The following PDK1 variants were observed in gnomAD, a reference collection of about 807,000 sequenced individuals.
PDK1 encodes the protein pyruvate dehydrogenase kinase 1.
In PDK1, 39 loss-of-function variants were observed where a neutral mutation model predicts 54.2. The ratio of observed to expected loss-of-function variants is 0.72; its 90% CI spans 0.56 to 0.94. The LOEUF is 0.94. Ranked by LOEUF, PDK1 falls within the 40% of genes least tolerant of loss-of-function variation. The pLI is 0.00. For synonymous variants in PDK1, 221 were observed against 207.1 expected (o/e 1.07, Z -0.58); for missense variants, 552 against 566.0 (o/e 0.98, Z 0.25).
At chr2:172,577,717 T>G (rs1390408051) in intron 8 of PDK1, among the ~76,000 whole-genome samples, 1 of 152,124 alleles carries the variant, frequency 6.6e-6, no homozygotes, top group East Asian at 1.9e-4. Flanking sequence ...TAAATAGGCC[T>G]TTTCCCCTCC....
At chr2:172,680,198 ACTT>A in the PDK1 span, among the ~76,000 whole-genome samples, 1 of 152,092 alleles carries the variant, frequency 6.6e-6, no homozygotes, top group African/African-American at 2.4e-5. Context: ...GTAATTGTTT[ACTT>A]GCCAGAATTT....
chr2:172,684,785 C>T, the PDK1 span, among the ~76,000 whole-genome samples: 20 of 152,282 alleles, frequency 1.3e-4, no homozygotes, highest in East Asian at 1.2e-3. Flanking sequence ...CAATTGCTGA[C>T]GATTTTGGCC....
the PDK1 span, among the ~76,000 whole-genome samples, chr2:172,719,051 A>G: frequency 0.13 from 19,866 of 152,164 alleles, 1,413 homozygotes; most frequent in African/African-American, 0.19. Context: ...CTTTTCTAGA[A>G]GGTACTAAAA....
chr2:172,621,794 GAT>G, the PDK1 span, among the ~76,000 whole-genome samples: 57 of 124,632 alleles, frequency 4.6e-4, no homozygotes, highest in African/African-American at 1.5e-3. Context: ...TCATATGTAT[GAT>G]ATATGTTTAT....
At chr2:172,658,395 A>G in the PDK1 span, among the ~76,000 whole-genome samples, 1 of 152,206 alleles carries the variant, frequency 6.6e-6, no homozygotes, top group Non-Finnish European at 1.5e-5. Context: ...GAGGATGTAT[A>G]TCACCTCAGG....
the PDK1 span, among the ~76,000 whole-genome samples, chr2:172,636,933 G>A: frequency 5.3e-5 from 8 of 152,034 alleles, no homozygotes; most frequent in East Asian, 1.9e-4. Flanking sequence ...ATAAAAAAGC[G>A]CATAGAAAAA....
the PDK1 span, among the ~76,000 whole-genome samples, chr2:172,652,872 G>T: frequency 2.8e-4 from 43 of 152,242 alleles, no homozygotes; most frequent in African/African-American, 4.1e-4. Context: ...GAAGAATCAA[G>T]ATCGTGAAAA....
At chr2:172,704,881 T>G in the PDK1 span, among the ~76,000 whole-genome samples, 1 of 152,178 alleles carries the variant, frequency 6.6e-6, no homozygotes, top group Admixed American at 6.5e-5. Context: ...GGTAAAAAGT[T>G]ATGGAGTCCC....
the PDK1 span, among the ~76,000 whole-genome samples, chr2:172,617,807 C>T: frequency 6.6e-6 from 1 of 152,124 alleles, no homozygotes; most frequent in African/African-American, 2.4e-5. Context: ...GATATAATGA[C>T]TGTGAATATT....
chr2:172,579,525 C>A (rs116009146), intron 8 of PDK1, among the ~76,000 whole-genome samples: 1 of 122,562 alleles, frequency 8.2e-6, no homozygotes. Flanking sequence ...CCCGCTCTTT[C>A]TTTTTTTTTT....
chr2:172,608,330 C>T lies in PDK1; in HGVS notation c.*12361C>T, dbSNP rs182330325. 8.9e-4 allele frequency: 135 copies of T among 152,142 alleles called. No homozygotes were observed. The highest frequency in any genetic ancestry group is 3.0e-3 in the African/African-American group (123 of 41,484). The allele number at this position is 152,142 out of a possible 1,614,324, so 9.4% of individuals were successfully genotyped here. A position where few individuals can be genotyped will look rare whatever the true frequency, so the allele number is the denominator to read the frequency against. ...GTTTTAGTTTATAACATTTTCCTTCCGATTCTAGGTGATTATATAGCTAGT... is the reference window on the plus strand; with the variant it reads ...GTTTTAGTTTATAACATTTTCCTTCTGATTCTAGGTGATTATATAGCTAGT... On this transcript the variant is annotated 3_prime_UTR_variant, in exon 11 of 11. Coordinates refer to ENST00000282077, the MANE Select transcript of PDK1 (RefSeq NM_002610.5).
chr2:172,686,111 T>C, the PDK1 span, among the ~76,000 whole-genome samples: 1 of 152,204 alleles, frequency 6.6e-6, no homozygotes, highest in African/African-American at 2.4e-5. Context: ...AAACAGAGTC[T>C]AAGTAGGCCA....
chr2:172,658,784 A>G, the PDK1 span, among the ~76,000 whole-genome samples: 1 of 152,136 alleles, frequency 6.6e-6, no homozygotes, highest in African/African-American at 2.4e-5. Context: ...CCTCAGGCTT[A>G]TTAGGGTGGG....
At chr2:172,593,178 G>T (rs961194560) in intron 10 of PDK1, 130 bp downstream of exon 10, 25 of 471,638 alleles carry the variant, frequency 5.3e-5, no homozygotes, top group Admixed American at 1.1e-4. Flanking sequence ...TTTTTGCTGG[G>T]GATCTCACCC....
chr2:172,654,890 A>G, the PDK1 span, among the ~76,000 whole-genome samples: 1 of 152,156 alleles, frequency 6.6e-6, no homozygotes, highest in African/African-American at 2.4e-5. Flanking sequence ...AGGTTACCTA[A>G]TAGCGGGCAG....
At position 172,562,206 on chromosome 2, in the gene PDK1, G is replaced by C; in HGVS notation, c.339-14G>C. The C allele has an allele frequency of 5.5e-6, 8 of 1,442,242 alleles. No individual in the cohort carries two copies. Among genetic ancestry groups the C allele is most frequent in the Non-Finnish European group, 7.8e-6 (8 of 1,029,158 alleles). The allele number at this position is 1,442,242 out of a possible 1,614,324, so 89.3% of individuals were successfully genotyped here. On this transcript the variant is annotated splice_polypyrimidine_tract_variant and intron_variant, in intron 2 of 10. Coordinates refer to ENST00000282077, the MANE Select transcript of PDK1 (RefSeq NM_002610.5). ...TATAAAAGAACAAACTTATCCTATT[G>C]ATCTGCATTTTAGGTATATCCAGAG...
the PDK1 span, among the ~76,000 whole-genome samples, chr2:172,642,712 G>A: frequency 6.6e-6 from 1 of 152,104 alleles, no homozygotes; most frequent in East Asian, 1.9e-4. Flanking sequence ...ATGATCTTGG[G>A]CTCCCTCCCT....
chr2:172,645,733 G>GA, the PDK1 span, among the ~76,000 whole-genome samples: 1 of 152,150 alleles, frequency 6.6e-6, no homozygotes, highest in South Asian at 2.1e-4. Context: ...ATAGAGACTG[G>GA]AGCAGTGGTC....
In PDK1 at chr2:172,564,250, T is replaced by C. The variant is rs1688815773; in HGVS notation, c.411-253T>C. On this transcript the variant is annotated intron_variant, in intron 3 of 10. Transcript: ENST00000282077. ...TTAACATTTTTTGGATTACGTTTTG[T>C]GGCAGCCTTACTCTTAGGAAGCCAA... The C allele has an allele frequency of 2.1e-5, 11 of 528,604 alleles. 1 individual carries two copies. In the South Asian group the frequency reaches 2.3e-4, roughly 11 times the overall value. The allele number at this position is 528,604 out of a possible 1,614,324, so 32.7% of individuals were successfully genotyped here. A position where few individuals can be genotyped will look rare whatever the true frequency, so the allele number is the denominator to read the frequency against.
Sources: allele counts gnomAD v4.1 joint callset (sites outside exome capture counted in the v4.1 genomes callset), GRCh38; gene constraint gnomAD v4.1.1; transcripts MANE v1.5; gene names NCBI Gene and HGNC (gene_info 2026-07-23, HGNC 2026-07-21).